Variants in CDKL1 observed in about 807,000 individuals in gnomAD.
CDKL1 encodes the protein cyclin dependent kinase like 1, also known as cyclin-dependent kinase-like 1.
A neutral mutation model predicts 42.0 loss-of-function variants in CDKL1; 41 were observed. The ratio of observed to expected loss-of-function variants is 0.98; its 90% CI spans 0.76 to 1.27. The LOEUF (loss-of-function observed/expected upper bound fraction) is 1.27, where lower values mean the gene tolerates loss of function less well. Among genes scored for constraint, CDKL1 ranks in the 50% most tolerant of loss-of-function variants. The pLI, the probability that CDKL1 is intolerant of heterozygous loss-of-function variation, is 0.00. For missense variants in CDKL1, 394 were observed against 428.4 expected (o/e 0.92, Z 0.71); for synonymous variants, 153 against 158.6 (o/e 0.96, Z 0.26).
Position 50,361,881 on chromosome 14 carries a change from C to T in CDKL1, c.169-2732G>A, listed in dbSNP as rs2139458646. 2.6e-5 allele frequency among the ~76,000 whole-genome samples: 4 copies of T among 152,406 alleles called. No individual in the cohort carries two copies. The South Asian group carries it at 8.3e-4, about 32-fold the overall frequency. ...ACTTGAGGAGCCCTTCAGCCCGCCG[C>T]TGCACTGTGGGAGCCCCTTTCTGGG... On this transcript the variant is annotated intron_variant, in intron 2 of 9. Transcript: ENST00000395834.
chr14:50,358,978 C>A, intron 3 of CDKL1, 50 bp downstream of exon 3: 1 of 1,575,804 alleles, frequency 6.3e-7, no homozygotes, highest in South Asian at 1.1e-5. Context: ...ACTTTTCGCT[C>A]ACAAATCCCA....
intron 2 of CDKL1, among the ~76,000 whole-genome samples, chr14:50,371,497 T>C (rs889593796): frequency 1.3e-5 from 2 of 152,256 alleles, no homozygotes; most frequent in Non-Finnish European, 2.9e-5. Flanking sequence ...CATTTTTCCA[T>C]ATATCTGTTG....
chr14:50,363,036 C>T (rs1211996834), intron 2 of CDKL1: 1 of 439,198 alleles, frequency 2.3e-6, no homozygotes, highest in Non-Finnish European at 4.9e-6. Flanking sequence ...ACCACGAACC[C>T]ACTGGGAGGA....
intron 2 of CDKL1, among the ~76,000 whole-genome samples, chr14:50,389,074 G>A (rs1341862598): frequency 1.5e-5 from 2 of 137,566 alleles, no homozygotes; most frequent in Non-Finnish European, 3.0e-5. Flanking sequence ...ACTCCAGCCT[G>A]GGCAGCAGAG....
intron 2 of CDKL1, among the ~76,000 whole-genome samples, chr14:50,370,256 AC>A (rs1197537011): frequency 1.3e-5 from 2 of 152,122 alleles, no homozygotes; most frequent in Non-Finnish European, 2.9e-5. Flanking sequence ...TTTAGTAAAG[AC>A]AAAATTTCAC....
At chr14:50,335,833 AT>A (rs2033239208) in intron 7 of CDKL1, 17 of 985,234 alleles carry the variant, frequency 1.7e-5, no homozygotes, top group Non-Finnish European at 1.9e-5. Flanking sequence ...CCAGCTCCCA[AT>A]AACCAATTCT....
In CDKL1 at chr14:50,330,068, G is replaced by C; in HGVS notation, c.*6C>G. 14 of 1,607,726 alleles carry C rather than the reference G, an allele frequency of 8.7e-6. No individual in the cohort carries two copies. Among genetic ancestry groups the C allele is most frequent in the Non-Finnish European group, 1.2e-5 (14 of 1,178,658 alleles). Reference sequence around the variant, plus strand: ...TCCTTTTTTAAAATCATGTCTCCTAGCTCCTTTAAATGTTTGGAAAACGGT... The same window carrying C: ...TCCTTTTTTAAAATCATGTCTCCTACCTCCTTTAAATGTTTGGAAAACGGT... On this transcript the variant is annotated 3_prime_UTR_variant, in exon 10 of 10. Transcript: ENST00000395834.
intron 3 of CDKL1, among the ~76,000 whole-genome samples, chr14:50,349,583 A>G (rs756445555): frequency 6.6e-6 from 1 of 152,202 alleles, no homozygotes; most frequent in Non-Finnish European, 1.5e-5. Context: ...AGCCATGCAC[A>G]GTAAGGGGTA....
At chr14:50,342,804 G>A (rs990441395) in intron 4 of CDKL1, 1 of 1,082,036 alleles carries the variant, frequency 9.2e-7, no homozygotes, top group South Asian at 1.6e-5. Context: ...GCTGAGATAA[G>A]CTGGGAAGAG....
chr14:50,329,071 A>G lies in CDKL1; in HGVS notation c.*1003T>C, dbSNP rs1467414850. ...TATATATATATATATATACATACACATACATACACATACAAACATAGTGCA... is the reference window on the plus strand; with the variant it reads ...TATATATATATATATATACATACACGTACATACACATACAAACATAGTGCA... On this transcript the variant is annotated 3_prime_UTR_variant, in exon 10 of 10. Transcript: ENST00000395834. 2.0e-5 allele frequency: 3 copies of G among 149,952 alleles called. No homozygotes were observed. The highest frequency in any genetic ancestry group is 3.0e-5 in the Non-Finnish European group (2 of 67,532). The allele number at this position is 149,952 out of a possible 1,614,324, so 9.3% of individuals were successfully genotyped here.
chr14:50,373,270 G>A (rs886873412), intron 2 of CDKL1, among the ~76,000 whole-genome samples: 1 of 152,272 alleles, frequency 6.6e-6, no homozygotes, highest in Non-Finnish European at 1.5e-5. Flanking sequence ...TCTTATTTAT[G>A]TATTGTTAAG....
chr14:50,373,569 T>A (rs886802467), intron 2 of CDKL1, among the ~76,000 whole-genome samples: 5 of 152,200 alleles, frequency 3.3e-5, no homozygotes, highest in Non-Finnish European at 7.3e-5. Context: ...CAATATTTAT[T>A]ACATTAAAAC....
At chr14:50,377,014 A>G (rs2034752392) in intron 2 of CDKL1, among the ~76,000 whole-genome samples, 1 of 152,222 alleles carries the variant, frequency 6.6e-6, no homozygotes, top group Admixed American at 6.5e-5. Flanking sequence ...AGTAGGAGCA[A>G]TCATTCCAAA....
intron 3 of CDKL1, among the ~76,000 whole-genome samples, chr14:50,357,791 T>A (rs1423770822): frequency 6.6e-6 from 1 of 152,176 alleles, no homozygotes; most frequent in African/African-American, 2.4e-5. Flanking sequence ...CTATATAGAT[T>A]GATATAAGCC....
At chr14:50,374,804 C>A (rs545468905) in intron 2 of CDKL1, among the ~76,000 whole-genome samples, 2 of 152,252 alleles carry the variant, frequency 1.3e-5, no homozygotes, top group East Asian at 1.9e-4. Context: ...AATATGTATA[C>A]CAAGTGCTTA....
rs1405858050 is a variant in CDKL1, at chr14:50,382,538, A to G, written c.168+13163T>C. Among the ~76,000 whole-genome samples, 6 of 142,130 alleles carry G rather than the reference A, an allele frequency of 4.2e-5. No homozygotes were observed. The East Asian group carries it at 1.1e-3, about 27-fold the overall frequency. The allele number at this position is 142,130 out of a possible 152,430, so 93.2% of individuals were successfully genotyped here. A position where few individuals can be genotyped will look rare whatever the true frequency, so the allele number is the denominator to read the frequency against. ...ATGTTTCCATTCATTCTGTATAAAA[A>G]TTACTCCTTCCTTCCTTCCTTCCCT... is the stretch of plus-strand genomic sequence containing the variant. On this transcript the variant is annotated intron_variant, in intron 2 of 9. Coordinates refer to ENST00000395834, the MANE Select transcript of CDKL1 (RefSeq NM_004196.7).
chr14:50,397,081 G>A (rs180706861), upstream of CDKL1: 5,383 of 1,345,920 alleles, frequency 4.0e-3, 25 homozygotes, highest in Non-Finnish European at 4.5e-3. Context: ...CTGCTGCCGG[G>A]AGAGCAGACC....
intron 7 of CDKL1, 144 bp downstream of exon 7, chr14:50,338,803 C>A (rs1352784510): frequency 1.8e-5 from 12 of 672,100 alleles, no homozygotes; most frequent in Non-Finnish European, 3.0e-5. Context: ...AGGCTAAAGT[C>A]TCGCTAGCCA....
At chr14:50,386,388 T>C (rs1203174501) in intron 2 of CDKL1, among the ~76,000 whole-genome samples, 1 of 152,174 alleles carries the variant, frequency 6.6e-6, no homozygotes, top group Non-Finnish European at 1.5e-5. Flanking sequence ...GAGCCATGAC[T>C]GTGCCACTGC....
Sources: gnomAD v4.1 joint callset for allele counts (sites outside exome capture counted in the v4.1 genomes callset) on GRCh38, gnomAD v4.1.1 for gene constraint, MANE v1.5 for transcripts, NCBI Gene and HGNC (gene_info 2026-07-23, HGNC 2026-07-21) for gene names.